ZNF106: variants seen among roughly 807,000 people sequenced by gnomAD.
ZNF106 encodes zinc finger protein 106.
A neutral mutation model predicts 195.1 loss-of-function variants in ZNF106; 67 were observed. The observed-to-expected ratio is 0.34, with a 90% CI of 0.28 to 0.42. ZNF106 has a LOEUF of 0.42. Ranked by LOEUF, ZNF106 falls within the 10% of genes least tolerant of loss-of-function variation. ZNF106 has a pLI of 1.00. For synonymous variants in ZNF106, 784 were observed against 818.6 expected (o/e 0.96, Z 0.72); for missense variants, 2,118 against 2,304.5 (o/e 0.92, Z 1.66).
At position 42,421,055 on chromosome 15, in the gene ZNF106, C is replaced by T. The variant is rs190816997; in HGVS notation, c.5517+6G>A. ...GTCCAGTGACAGGAAGAGTTTCACT[C>T]CTTACCCAACAGCGGTAATTCTGCA... On this transcript the variant is annotated splice_donor_region_variant and intron_variant, in intron 20 of 21. Transcript: ENST00000564754. The T allele has an allele frequency of 2.2e-4, 357 of 1,613,996 alleles. 1 individual carries two copies. The highest frequency in any genetic ancestry group is 8.2e-4 in the Middle Eastern group (5 of 6,062).
At chr15:42,438,920 G>T in intron 11 of ZNF106, 113 bp downstream of exon 11, 1 of 1,211,558 alleles carries the variant, frequency 8.3e-7, no homozygotes, top group Non-Finnish European at 1.2e-6. Context: ...AATCTCTACT[G>T]CATTCACATA....
intron 17 of ZNF106, among the ~76,000 whole-genome samples, chr15:42,423,213 T>TA (rs1406254351): frequency 1.3e-5 from 2 of 151,650 alleles, no homozygotes; most frequent in African/African-American, 2.4e-5. Flanking sequence ...ACAAAAAATA[T>TA]AAAAAAATTA....
rs1376479920 is a variant in ZNF106, at chr15:42,454,314, A to AT, written c.318-2361dup. Among the ~76,000 whole-genome samples the AT allele has an allele frequency of 3.3e-5, 5 of 151,872 alleles. No homozygotes were observed. In the East Asian group the frequency reaches 5.8e-4, roughly 18 times the overall value. ...AAGTATTATTACATGCAGTAGCAGA[A>AT]TTTTTTTATAACCATTAACCAAATT... On this transcript the variant is annotated intron_variant, in intron 4 of 21. Coordinates refer to ENST00000564754, the MANE Select transcript of ZNF106 (RefSeq NM_001366845.3).
At chr15:42,465,966 G>T in intron 3 of ZNF106, 87 bp downstream of exon 3, 2 of 1,064,510 alleles carry the variant, frequency 1.9e-6, no homozygotes, top group Non-Finnish European at 2.7e-6. Flanking sequence ...TGCTTTTGAC[G>T]GATTACTGCA....
At chr15:42,489,672 G>T (rs78743564) in intron 1 of ZNF106, among the ~76,000 whole-genome samples, 73 of 152,254 alleles carry the variant, frequency 4.8e-4, no homozygotes, top group African/African-American at 1.6e-3. Flanking sequence ...ACTTGAGAAC[G>T]GGGCTTAAAG....
At chr15:42,484,623 A>C (rs2141459833) in intron 1 of ZNF106, among the ~76,000 whole-genome samples, 1 of 152,310 alleles carries the variant, frequency 6.6e-6, no homozygotes, top group South Asian at 2.1e-4. Flanking sequence ...CCGTAGTCCC[A>C]CATACTCAGG....
At chr15:42,477,812 C>A (rs1362458671) in intron 1 of ZNF106, among the ~76,000 whole-genome samples, 1 of 151,994 alleles carries the variant, frequency 6.6e-6, no homozygotes, top group African/African-American at 2.4e-5. Context: ...GTCACTTGAA[C>A]CTGAGAGGTG....
intron 1 of ZNF106, among the ~76,000 whole-genome samples, chr15:42,473,151 G>A (rs118024713): frequency 4.3e-3 from 656 of 152,276 alleles, no homozygotes; most frequent in Non-Finnish European, 6.9e-3. Context: ...AATGCCCGCT[G>A]GAGCAGTTTA....
Position 42,450,753 on chromosome 15 carries a change from C to T in ZNF106, c.1519G>A (p.Gly507Arg). The T allele has an allele frequency of 6.2e-7, 1 of 1,614,014 alleles. No individual in the cohort carries two copies. The highest frequency in any genetic ancestry group is 8.5e-7 in the Non-Finnish European group (1 of 1,180,014). ...KNTKTNFFSP[G>R]EHSNPSNKPT... ...TTGTTCGAGGGATTTGAGTGTTCTC[C>T]AGGGGAAAAAAAATTTGTTTTGGTG... The change falls in exon 5 of 22, where the codon GGA becomes AGA. Residue 507 changes from glycine to arginine, a missense_variant. By Grantham distance (125) the Gly-to-Arg change is moderately radical (BLOSUM62 -2). Transcript: ENST00000564754.
Position 42,438,686 on chromosome 15 carries a change from AG to A in ZNF106, c.4545-20del. 1 of 1,612,118 alleles carries A rather than the reference AG, an allele frequency of 6.2e-7. No homozygotes were observed. The highest frequency in any genetic ancestry group is 2.2e-5 in the East Asian group (1 of 44,820). ...TGCCACACTACAAAATAATAGCAAA[AG>A]TGTTCTCAGCATCTGTGTGAACAGG... On this transcript the variant is annotated intron_variant, in intron 11 of 21. Coordinates refer to ENST00000564754, the MANE Select transcript of ZNF106 (RefSeq NM_001366845.3).
intron 4 of ZNF106, among the ~76,000 whole-genome samples, chr15:42,455,700 A>G (rs577700231): frequency 1.3e-5 from 2 of 152,308 alleles, no homozygotes; most frequent in East Asian, 1.9e-4. Context: ...CTTTTAACAT[A>G]TAGAGTAAAA....
At chr15:42,433,199 G>A (rs1345473315) in intron 14 of ZNF106, among the ~76,000 whole-genome samples, 6 of 151,750 alleles carry the variant, frequency 4.0e-5, no homozygotes, top group Non-Finnish European at 7.4e-5. Context: ...TCCGCCTCCC[G>A]GCTTCACACC....
In ZNF106 at chr15:42,417,374, G is replaced by A. The variant is rs369162366; in HGVS notation, c.5665-14C>T. The A allele has an allele frequency of 6.2e-7, 1 of 1,613,616 alleles. No homozygotes were observed. Among genetic ancestry groups the A allele is most frequent in the African/African-American group, 1.3e-5 (1 of 74,892 alleles). On this transcript the variant is annotated splice_polypyrimidine_tract_variant and intron_variant, in intron 21 of 21. Transcript: ENST00000564754. ...TCCTGCAGCATCCTAGGAATGAAGG[G>A]AAAAGGGCCCATGAGAGAGAAGTCG... is the stretch of plus-strand genomic sequence containing the variant.
At chr15:42,430,818 G>A (rs2055024172) in intron 14 of ZNF106, among the ~76,000 whole-genome samples, 2 of 151,490 alleles carry the variant, frequency 1.3e-5, no homozygotes, top group African/African-American at 4.9e-5. Flanking sequence ...TTTTTTACAA[G>A]TTTGTATAAT....
chr15:42,449,659 A>G (rs536634845), intron 5 of ZNF106, 112 bp downstream of exon 5: 3 of 1,379,312 alleles, frequency 2.2e-6, no homozygotes, highest in South Asian at 2.9e-5. Context: ...TACAACAGAT[A>G]TTGTTGGCAA....
chr15:42,458,337 G>A (rs1405112302), intron 3 of ZNF106, among the ~76,000 whole-genome samples: 1 of 149,692 alleles, frequency 6.7e-6, no homozygotes, highest in East Asian at 2.0e-4. Context: ...AACCAGAAGA[G>A]ACCCTCAAAA....
chr15:42,471,336 A>C (rs922737117), intron 2 of ZNF106, among the ~76,000 whole-genome samples: 2 of 152,222 alleles, frequency 1.3e-5, no homozygotes, highest in African/African-American at 4.8e-5. Context: ...AAAGAGAATA[A>C]ATTCCTCAGT....
In ZNF106 at chr15:42,450,300, A is replaced by G; in HGVS notation, c.1972T>C (p.Ser658Pro). 1 of 1,614,100 alleles carries G rather than the reference A, an allele frequency of 6.2e-7. No individual in the cohort carries two copies. The highest frequency in any genetic ancestry group is 1.1e-5 in the South Asian group (1 of 91,074). ...KEEDDRILKT[S>P]RELSTSPCNP... Reference sequence around the variant, plus strand: ...CATGGGGAAGTGGATAGCTCTCTAGAAGTCTTCAGGATGCGGTCATCCTCC... The same window carrying G: ...CATGGGGAAGTGGATAGCTCTCTAGGAGTCTTCAGGATGCGGTCATCCTCC... The change falls in exon 5 of 22, where the codon TCT (serine) becomes CCT (proline). Residue 658 changes from serine to proline, a missense_variant. Coordinates refer to ENST00000564754, the MANE Select transcript of ZNF106 (RefSeq NM_001366845.3).
intron 20 of ZNF106, 49 bp downstream of exon 20, chr15:42,421,012 G>T: frequency 1.3e-6 from 2 of 1,548,166 alleles, no homozygotes; most frequent in Non-Finnish European, 8.9e-7. Flanking sequence ...TTAGCCTAGG[G>T]TGAAGCAACC....
Sources: allele counts gnomAD v4.1 joint callset (sites outside exome capture counted in the v4.1 genomes callset), GRCh38; gene constraint gnomAD v4.1.1; transcripts MANE v1.5; gene names NCBI Gene and HGNC (gene_info 2026-07-23, HGNC 2026-07-21).